EVA1C: variants seen among roughly 807,000 people sequenced by gnomAD.
EVA1C encodes eva-1 homolog C, also known as protein eva-1 homolog C.
In EVA1C, 25 loss-of-function variants were observed where a neutral mutation model predicts 45.4. The observed-to-expected ratio is 0.55, with a 90% CI of 0.40 to 0.77. EVA1C has a LOEUF of 0.77. EVA1C is among the 30% of genes least tolerant of loss of function. The probability of loss-of-function intolerance (pLI) is 0.00; values close to 1 mark genes in which losing one functional copy is unlikely to be tolerated. For missense variants in EVA1C, 479 were observed against 554.8 expected (o/e 0.86, Z 1.37); for synonymous variants, 190 against 221.2 (o/e 0.86, Z 1.25).
chr21:32,493,736 G>A (rs1270519422), intron 4 of EVA1C: 1 of 151,904 alleles, frequency 6.6e-6, no homozygotes, highest in East Asian at 1.9e-4. Context: ...CCTGTGAAAG[G>A]ATGCTTTCAT....
rs1301515338 is a variant in EVA1C, at chr21:32,474,747, G to A, written c.634+6899G>A. ...AGTGAGGTGCCCACACTCGGCTCCC[G>A]AGGATGGATAATCGTCTGGTTACAG... On this transcript the variant is annotated intron_variant, in intron 4 of 7. Coordinates refer to ENST00000300255, the MANE Select transcript of EVA1C (RefSeq NM_058187.5). This position sits in a 1 kb window ranked among gnomAD's most constrained non-coding sequence, Gnocchi z 4.4. 6.6e-6 allele frequency among the ~76,000 whole-genome samples: 1 copy of A among 152,242 alleles called. No individual in the cohort carries two copies. Among genetic ancestry groups the A allele is most frequent in the Non-Finnish European group, 1.5e-5 (1 of 68,056 alleles).
chr21:32,485,903 T>A (rs2036956781), intron 4 of EVA1C, among the ~76,000 whole-genome samples: 1 of 152,222 alleles, frequency 6.6e-6, no homozygotes, highest in Non-Finnish European at 1.5e-5. Flanking sequence ...CTTGGTCATA[T>A]CACAGTCCAG....
rs79295043 is a variant in EVA1C, at chr21:32,490,139, C to T, written c.635-4888C>T. 7.7e-3 allele frequency among the ~76,000 whole-genome samples: 1,164 copies of T among 151,988 alleles called. 16 individuals are homozygous for T. The highest frequency in any genetic ancestry group is 0.026 in the African/African-American group (1,085 of 41,450). Reference sequence around the variant, plus strand: ...ACCATTTCTAAGTGTACAGTTTGGTCGTGTTAAGTATATTCATATTGTTGT... The same window carrying T: ...ACCATTTCTAAGTGTACAGTTTGGTTGTGTTAAGTATATTCATATTGTTGT... On this transcript the variant is annotated intron_variant, in intron 4 of 7. Coordinates refer to ENST00000300255, the MANE Select transcript of EVA1C (RefSeq NM_058187.5).
intron 3 of EVA1C, among the ~76,000 whole-genome samples, chr21:32,461,025 C>A (rs903795082): frequency 4.6e-5 from 7 of 152,228 alleles, no homozygotes; most frequent in Non-Finnish European, 7.3e-5. Flanking sequence ...GGATCACAGG[C>A]GTGAACCACA....
intron 3 of EVA1C, among the ~76,000 whole-genome samples, chr21:32,458,072 G>A (rs748739053): frequency 6.6e-6 from 1 of 152,164 alleles, no homozygotes; most frequent in African/African-American, 2.4e-5. Flanking sequence ...CTGGTTCTGC[G>A]TTTCAGAGGT....
At chr21:32,501,573 C>T (rs771236590) in intron 6 of EVA1C, 78 bp downstream of exon 6, 1 of 1,558,276 alleles carries the variant, frequency 6.4e-7, no homozygotes, top group Non-Finnish European at 8.6e-7. Context: ...GTTGGGCACA[C>T]CTTGGTTAGA....
intron 5 of EVA1C, among the ~76,000 whole-genome samples, chr21:32,499,904 T>C (rs1310332985): frequency 6.6e-6 from 1 of 152,164 alleles, no homozygotes. Context: ...CAGGGCTTAT[T>C]CTTAGGGTCA....
intron 1 of EVA1C, among the ~76,000 whole-genome samples, chr21:32,413,332 C>G (rs2146082749): frequency 6.6e-6 from 1 of 152,354 alleles, no homozygotes; most frequent in East Asian, 1.9e-4. Flanking sequence ...AAACTGAGCC[C>G]TGTGCCGCGC....
At chr21:32,497,387 A>T in intron 5 of EVA1C, 1 of 366,480 alleles carries the variant, frequency 2.7e-6, no homozygotes, top group South Asian at 2.8e-5. Flanking sequence ...TTTCAGGTGA[A>T]CTTCTCCCCA....
intron 4 of EVA1C, among the ~76,000 whole-genome samples, chr21:32,476,595 C>A (rs533977450): frequency 2.3e-3 from 350 of 152,150 alleles, no homozygotes; most frequent in Non-Finnish European, 4.2e-3. Flanking sequence ...GAGCCGAGAT[C>A]GCGCCATTGC....
intron 1 of EVA1C, among the ~76,000 whole-genome samples, chr21:32,431,736 T>C (rs776139408): frequency 6.6e-6 from 1 of 152,228 alleles, no homozygotes; most frequent in Non-Finnish European, 1.5e-5. Flanking sequence ...GATTCCCCAG[T>C]GCTACCATTT....
At chr21:32,481,771 C>T (rs192723583) in intron 4 of EVA1C, among the ~76,000 whole-genome samples, 156 of 152,178 alleles carry the variant, frequency 1.0e-3, no homozygotes, top group Non-Finnish European at 1.4e-3. Context: ...ACCTTAAAAT[C>T]GATAAGGGAG....
chr21:32,475,674 G>A lies in EVA1C; in HGVS notation c.634+7826G>A, dbSNP rs141122974. The stretch of plus-strand genomic sequence containing the variant: ...TAAAAAGACACATCAAATAATTTAC[G>A]TAACTGTTCCCTGGTGGCCAGATAT... On this transcript the variant is annotated intron_variant, in intron 4 of 7. Transcript: ENST00000300255. 5.0e-3 allele frequency among the ~76,000 whole-genome samples: 759 copies of A among 151,986 alleles called. 4 individuals are homozygous for A. The highest frequency in any genetic ancestry group is 9.2e-3 in the Admixed American group (140 of 15,262).
chr21:32,432,728 T>C (rs1196882152), intron 1 of EVA1C, among the ~76,000 whole-genome samples: 1 of 152,126 alleles, frequency 6.6e-6, no homozygotes, highest in Non-Finnish European at 1.5e-5. Flanking sequence ...TCTTCTGTTC[T>C]CTTATTTTTA....
chr21:32,507,813 T>C (rs2037806266), intron 7 of EVA1C, among the ~76,000 whole-genome samples: 1 of 142,058 alleles, frequency 7.0e-6, no homozygotes, highest in African/African-American at 2.6e-5. Flanking sequence ...TGTGTGCATG[T>C]ATGTATGTGT....
At chr21:32,431,064 G>A (rs1402059175) in intron 1 of EVA1C, among the ~76,000 whole-genome samples, 2 of 151,966 alleles carry the variant, frequency 1.3e-5, no homozygotes, top group African/African-American at 4.8e-5. Flanking sequence ...CTCCCACTAG[G>A]TCCCTCCCAC....
intron 7 of EVA1C, among the ~76,000 whole-genome samples, chr21:32,505,035 T>C (rs968368220): frequency 3.9e-5 from 6 of 152,106 alleles, no homozygotes; most frequent in African/African-American, 1.2e-4. Context: ...GTGAGACTTA[T>C]TCACTATCAC....
Position 32,412,733 on chromosome 21 carries a change from AGGCGGCG to A in EVA1C, c.-118_-112del. On this transcript the variant is annotated 5_prime_UTR_variant, in exon 1 of 8. Coordinates refer to ENST00000300255, the MANE Select transcript of EVA1C (RefSeq NM_058187.5). ...GGAGGCTCTGGCAGCCTGGGCAGGGAGGCGGCGGGGGGCCGCGGAGCCGCTGGCCATC... is the reference window on the plus strand; with the variant it reads ...GGAGGCTCTGGCAGCCTGGGCAGGGAGGGGGCCGCGGAGCCGCTGGCCATC... 1.9e-6 allele frequency: 2 copies of A among 1,060,028 alleles called. No homozygotes were observed. The highest frequency in any genetic ancestry group is 2.5e-6 in the Non-Finnish European group (2 of 807,060). 65.7% of individuals were successfully genotyped at this position (1,060,028 alleles called of 1,614,324 possible).
Position 32,430,972 on chromosome 21 carries a change from C to CA in EVA1C, c.160+17970dup, listed in dbSNP as rs1038641892. Among the ~76,000 whole-genome samples, 43 of 103,050 alleles carry CA rather than the reference C, an allele frequency of 4.2e-4. 1 individual carries two copies. Among genetic ancestry groups the CA allele is most frequent in the African/African-American group, 4.3e-4 (8 of 18,610 alleles). 67.6% of individuals were successfully genotyped at this position (103,050 alleles called of 152,430 possible). Reference sequence around the variant, plus strand: ...TCGGCAACAGAGTGAGACTTGGTCTCAAAAAAAAAAATTAGATCTTGTGAG... The same window carrying CA: ...TCGGCAACAGAGTGAGACTTGGTCTCAAAAAAAAAAAATTAGATCTTGTGAG... On this transcript the variant is annotated intron_variant, in intron 1 of 7. Coordinates refer to ENST00000300255, the MANE Select transcript of EVA1C (RefSeq NM_058187.5).
Sources: gnomAD v4.1 joint callset for allele counts (sites outside exome capture counted in the v4.1 genomes callset) on GRCh38, gnomAD v4.1.1 for gene constraint, Gnocchi (gnomAD v3.1) non-coding constraint, MANE v1.5 for transcripts, NCBI Gene and HGNC (gene_info 2026-07-23, HGNC 2026-07-21) for gene names.